RTN1: variants seen among roughly 807,000 people sequenced by gnomAD.
RTN1 encodes reticulon 1, also known as reticulon-1.
RTN1 carries 25 observed loss-of-function variants against 65.5 expected under a neutral mutation model. That is an observed-to-expected ratio of 0.38 (90% CI 0.28 to 0.53). The LOEUF (loss-of-function observed/expected upper bound fraction) is 0.53, where lower values mean the gene tolerates loss of function less well. Among genes scored for constraint, RTN1 ranks in the 20% least tolerant of loss-of-function variants. The probability of loss-of-function intolerance (pLI) is 0.79; values close to 1 mark genes in which losing one functional copy is unlikely to be tolerated. For missense variants in RTN1, 983 were observed against 1,025.4 expected, an observed-to-expected ratio of 0.96 and a Z score of 0.57; for synonymous variants, 471 against 447.6, an observed-to-expected ratio of 1.05 and a Z score of -0.66.
intron 1 of RTN1, among the ~76,000 whole-genome samples, chr14:59,763,266 A>G (rs892566577): frequency 6.6e-6 from 1 of 152,354 alleles, no homozygotes; most frequent in Middle Eastern, 3.4e-3. Flanking sequence ...TCCTTTATCA[A>G]CAGCAGTATT....
intron 3 of RTN1, among the ~76,000 whole-genome samples, chr14:59,723,219 A>T (rs886911884): frequency 6.6e-5 from 10 of 152,212 alleles, no homozygotes; most frequent in African/African-American, 2.4e-4. Context: ...ACCAGAGAGG[A>T]CAAGAAAGAT....
At chr14:59,761,303 G>A (rs115778215) in intron 1 of RTN1, among the ~76,000 whole-genome samples, 3,760 of 152,260 alleles carry the variant, frequency 0.025, 154 homozygotes, top group African/African-American at 0.085. Flanking sequence ...GCCAGGTGGA[G>A]ATAATTAAAT....
At chr14:59,636,528 A>AT (rs1442453850) in intron 3 of RTN1, among the ~76,000 whole-genome samples, 1 of 152,232 alleles carries the variant, frequency 6.6e-6, no homozygotes, top group East Asian at 1.9e-4. Flanking sequence ...TAAATAACCC[A>AT]GTCTCAGGTA....
chr14:59,749,087 CATCTATATATAT>C (rs1177835824), intron 1 of RTN1, among the ~76,000 whole-genome samples: 4 of 127,794 alleles, frequency 3.1e-5, no homozygotes, highest in East Asian at 4.3e-4. Context: ...CACGCCGGGG[CATCTATATATAT>C]ATCTATATAT....
intron 3 of RTN1, among the ~76,000 whole-genome samples, chr14:59,706,944 G>T (rs890479045): frequency 3.3e-5 from 5 of 152,150 alleles, no homozygotes; most frequent in Non-Finnish European, 7.4e-5. Flanking sequence ...TGGGTTGAGG[G>T]TTGGTAAAGC....
At chr14:59,606,406 G>A (rs1881755720) in intron 4 of RTN1, among the ~76,000 whole-genome samples, 1 of 152,056 alleles carries the variant, frequency 6.6e-6, no homozygotes, top group Admixed American at 6.6e-5. Flanking sequence ...AGGAGGTGGG[G>A]CCTTGTGGGG....
At chr14:59,847,792 T>C (rs957359689) in intron 1 of RTN1, among the ~76,000 whole-genome samples, 20 of 152,222 alleles carry the variant, frequency 1.3e-4, no homozygotes, top group African/African-American at 4.8e-4. Context: ...CCCTGCTTCA[T>C]GCTACATGCT....
chr14:59,819,838 C>T lies in RTN1; in HGVS notation c.241+50552G>A, dbSNP rs911290790. On this transcript the variant is annotated intron_variant, in intron 1 of 8. Coordinates refer to ENST00000267484, the MANE Select transcript of RTN1 (RefSeq NM_021136.3). The stretch of plus-strand genomic sequence containing the variant: ...GTGCTAAGCCCCTCACTGCCTGGGC[C>T]GGTAGCGCCAGCCAGCCGCTCCGAG... Among the ~76,000 whole-genome samples, 18 of 152,262 alleles carry T rather than the reference C, an allele frequency of 1.2e-4. 1 individual carries two copies. Among genetic ancestry groups the T allele is most frequent in the Admixed American group, 8.5e-4 (13 of 15,300 alleles).
chr14:59,647,315 C>T (rs146596257), intron 3 of RTN1, among the ~76,000 whole-genome samples: 18 of 152,338 alleles, frequency 1.2e-4, no homozygotes, highest in African/African-American at 3.6e-4. Flanking sequence ...TCTCAAGAGA[C>T]CTGCAAAGAG....
At chr14:59,757,803 C>T (rs577592702) in intron 1 of RTN1, among the ~76,000 whole-genome samples, 2 of 152,206 alleles carry the variant, frequency 1.3e-5, no homozygotes, top group Non-Finnish European at 2.9e-5. Context: ...TATAAGCCAC[C>T]TAGTTTATGG....
At chr14:59,738,870 G>A (rs145552232) in intron 2 of RTN1, among the ~76,000 whole-genome samples, 14 of 152,272 alleles carry the variant, frequency 9.2e-5, no homozygotes, top group Middle Eastern at 6.8e-3. Flanking sequence ...GGAGCTGGAG[G>A]CCATTATCCT....
intron 1 of RTN1, among the ~76,000 whole-genome samples, chr14:59,749,886 C>A (rs1432538734): frequency 9.6e-6 from 1 of 104,106 alleles, no homozygotes; most frequent in South Asian, 2.6e-4. Context: ...TATATATATA[C>A]ACATATATAT....
intron 3 of RTN1, among the ~76,000 whole-genome samples, chr14:59,656,361 G>T (rs1294764821): frequency 6.6e-6 from 1 of 152,156 alleles, no homozygotes; most frequent in Admixed American, 6.5e-5. Context: ...TATATAAATT[G>T]TATGTTAATT....
At chr14:59,860,056 T>C (rs1259073778) in intron 1 of RTN1, among the ~76,000 whole-genome samples, 1 of 152,174 alleles carries the variant, frequency 6.6e-6, no homozygotes, top group Admixed American at 6.5e-5. Flanking sequence ...GCAGCAGAGA[T>C]TTGCATAAGT....
rs1884792204 is a variant in RTN1, at chr14:59,727,312, G to A, written c.1372C>T (p.Arg458Cys). 1 of 1,495,618 alleles carries A rather than the reference G, an allele frequency of 6.7e-7. No individual in the cohort carries two copies. Among genetic ancestry groups the A allele is most frequent in the Non-Finnish European group, 8.9e-7 (1 of 1,122,084 alleles). The allele number at this position is 1,495,618 out of a possible 1,614,324, so 92.6% of individuals were successfully genotyped here. Reference sequence around the variant, plus strand: ...AGCTCGCTGTCCAGCTCGGCCTCGCGCTCCTCCCTCAGGATGCTGTACTGG... The same window carrying A: ...AGCTCGCTGTCCAGCTCGGCCTCGCACTCCTCCCTCAGGATGCTGTACTGG... ...SIQYSILREE[R>C]EAELDSELII... The change falls in exon 3 of 9, where the codon CGC becomes TGC. Residue 458 changes from arginine to cysteine, a missense_variant. Transcript: ENST00000267484. This position sits in a 1 kb window ranked among gnomAD's most constrained non-coding sequence, Gnocchi z 4.2.
chr14:59,782,732 G>C (rs1304127862), intron 1 of RTN1, among the ~76,000 whole-genome samples: 1 of 152,142 alleles, frequency 6.6e-6, no homozygotes, highest in Admixed American at 6.5e-5. Flanking sequence ...ATTTATAGCT[G>C]CCCTATTGCT....
In RTN1 at chr14:59,607,360, G is replaced by T; in HGVS notation, c.1898C>A (p.Ser633Ter). The change falls in exon 4 of 9, where the codon TCA (serine) becomes TAA (stop). Residue 633 changes from serine to a stop codon, truncating the protein, a stop_gained. Transcript: ENST00000267484. LOFTEE classifies it high-confidence loss of function. ...VVAYLALAALSATISFRIYKS... is the reference protein window; with the variant it reads ...VVAYLALAAL ...GTAGATGCGGAAACTGATGGTGGCT[G>T]AGAGTGCGGCCAGGGCCAGGTAGGC... The T allele has an allele frequency of 6.2e-7, 1 of 1,613,600 alleles. No homozygotes were observed.
At chr14:59,841,986 C>T (rs910515826) in intron 1 of RTN1, among the ~76,000 whole-genome samples, 2 of 151,854 alleles carry the variant, frequency 1.3e-5, no homozygotes, top group African/African-American at 4.8e-5. Context: ...ATTAGCTGGG[C>T]ATGGTGGTGC....
chr14:59,763,466 G>C (rs1373410697), intron 1 of RTN1, among the ~76,000 whole-genome samples: 1 of 151,502 alleles, frequency 6.6e-6, no homozygotes, highest in Non-Finnish European at 1.5e-5. Flanking sequence ...GAAGAAAAAG[G>C]CCAATAAATT....
Sources: gnomAD v4.1 joint callset for allele counts (sites outside exome capture counted in the v4.1 genomes callset) on GRCh38, gnomAD v4.1.1 for gene constraint, Gnocchi (gnomAD v3.1) non-coding constraint, MANE v1.5 for transcripts, NCBI Gene and HGNC (gene_info 2026-07-23, HGNC 2026-07-21) for gene names.